The following CHN2 variants were observed in gnomAD, a reference collection of about 807,000 sequenced individuals.
CHN2 encodes the protein beta-chimaerin.
A neutral mutation model predicts 56.3 loss-of-function variants in CHN2; 35 were observed. The ratio of observed to expected loss-of-function variants is 0.62; its 90% CI spans 0.47 to 0.82. The LOEUF (loss-of-function observed/expected upper bound fraction) is 0.82, where lower values mean the gene tolerates loss of function less well. Ranked by LOEUF, CHN2 falls within the 40% of genes least tolerant of loss-of-function variation. CHN2 has a pLI of 0.00. For synonymous variants in CHN2, 210 were observed against 212.8 expected, an observed-to-expected ratio of 0.99 and a Z score of 0.12; for missense variants, 491 against 580.5, an observed-to-expected ratio of 0.85 and a Z score of 1.58.
intron 1 of CHN2, among the ~76,000 whole-genome samples, chr7:29,206,558 G>C (rs1332815049): frequency 3.9e-5 from 6 of 152,302 alleles, no homozygotes; most frequent in African/African-American, 1.4e-4. Flanking sequence ...GGGATTACAA[G>C]TGTGAGCCAC....
At chr7:29,211,960 A>C (rs1166774355) in intron 1 of CHN2, among the ~76,000 whole-genome samples, 1 of 152,196 alleles carries the variant, frequency 6.6e-6, no homozygotes, top group Non-Finnish European at 1.5e-5. Flanking sequence ...CTTACCATCC[A>C]ACTTCAACAA....
intron 1 of CHN2, among the ~76,000 whole-genome samples, chr7:29,216,911 T>C (rs926298034): frequency 6.6e-6 from 1 of 152,232 alleles, no homozygotes; most frequent in African/African-American, 2.4e-5. Context: ...AGGTTTTAAC[T>C]ACATGGTAAT....
chr7:29,309,626 A>G (rs1333602213), intron 1 of CHN2, among the ~76,000 whole-genome samples: 1 of 152,252 alleles, frequency 6.6e-6, no homozygotes, highest in Non-Finnish European at 1.5e-5. Flanking sequence ...AACCCAAGGA[A>G]ATAAATGATG....
At chr7:29,186,077 A>G (rs964573069) in intron 2 of CHN2, among the ~76,000 whole-genome samples, 27 of 152,186 alleles carry the variant, frequency 1.8e-4, no homozygotes, top group African/African-American at 5.8e-4. Flanking sequence ...TGGAAGTTGA[A>G]CAGGATGGAG....
At chr7:29,327,260 G>A (rs1399786323) in intron 1 of CHN2, among the ~76,000 whole-genome samples, 4 of 152,144 alleles carry the variant, frequency 2.6e-5, no homozygotes, top group Admixed American at 6.5e-5. Context: ...CATCCCTTGG[G>A]AACTTTTTAA....
chr7:29,395,779 C>G (rs1801692452), intron 4 of CHN2, among the ~76,000 whole-genome samples: 1 of 152,160 alleles, frequency 6.6e-6, no homozygotes, highest in South Asian at 2.1e-4. Context: ...TTCAGGTGCA[C>G]AAAATTGTCA....
rs949633636 is a variant in CHN2 at position 29,370,783 on chromosome 7, G to A, written c.144+2796G>A. ...GTAGGCCAGTCTGCCTTGATACATG[G>A]TGGTTATCAACAGATACCAACTACT... On this transcript the variant is annotated intron_variant, in intron 3 of 12. Coordinates refer to ENST00000222792, the MANE Select transcript of CHN2 (RefSeq NM_004067.4). Among the ~76,000 whole-genome samples the A allele has an allele frequency of 5.3e-5, 8 of 152,292 alleles. No individual in the cohort carries two copies. The East Asian group carries it at 1.5e-3, about 29-fold the overall frequency.
chr7:29,479,898 A>C (rs1177011889), intron 6 of CHN2: 1 of 1,419,874 alleles, frequency 7.0e-7, no homozygotes, highest in Non-Finnish European at 9.2e-7. Context: ...CGGCCTTAAG[A>C]AATAGCACAA....
In CHN2 at chr7:29,336,991, G is replaced by C. The variant is rs1188151116; in HGVS notation, c.50-17634G>C. On this transcript the variant is annotated intron_variant, in intron 1 of 12. Transcript: ENST00000222792. ...CGCCCCTGCCAGGAACCTGGCTCCT[G>C]TCTTCCGGCACCCACCACCCTTGCA... is the stretch of plus-strand genomic sequence containing the variant. 3.3e-5 allele frequency among the ~76,000 whole-genome samples: 5 copies of C among 151,916 alleles called. No homozygotes were observed. The East Asian group carries it at 9.7e-4, about 29-fold the overall frequency.
intron 1 of CHN2, among the ~76,000 whole-genome samples, chr7:29,272,664 A>G (rs1790759072): frequency 1.3e-5 from 2 of 152,202 alleles, no homozygotes; most frequent in South Asian, 4.1e-4. Flanking sequence ...TCTTAAGAAT[A>G]ATTGAGGTGC....
chr7:29,332,047 G>T (rs1796263328), intron 1 of CHN2, among the ~76,000 whole-genome samples: 1 of 151,564 alleles, frequency 6.6e-6, no homozygotes, highest in Non-Finnish European at 1.5e-5. Context: ...AGGATAATTT[G>T]GGTGAAGATT....
chr7:29,448,945 G>A (rs1784216312), intron 6 of CHN2, among the ~76,000 whole-genome samples: 1 of 152,210 alleles, frequency 6.6e-6, no homozygotes, highest in African/African-American at 2.4e-5. Flanking sequence ...TACTAAATGT[G>A]TGCGGAATTT....
At chr7:29,415,603 C>G (rs986909082) in intron 6 of CHN2, among the ~76,000 whole-genome samples, 1 of 151,890 alleles carries the variant, frequency 6.6e-6, no homozygotes, top group Non-Finnish European at 1.5e-5. Flanking sequence ...GGGAAGGCTG[C>G]GAGGAGGGAG....
At chr7:29,212,198 G>T (rs1785008497) in intron 1 of CHN2, 2 of 620,588 alleles carry the variant, frequency 3.2e-6, no homozygotes, top group Non-Finnish European at 5.7e-6. Context: ...TTTGCTTCTG[G>T]AAGTCATATT....
In CHN2 at chr7:29,149,113, A is replaced by C. The variant is rs578148428; in HGVS notation, c.274+2153A>C. Among the ~76,000 whole-genome samples the C allele has an allele frequency of 9.9e-5, 15 of 151,722 alleles. No individual in the cohort carries two copies. The East Asian group carries it at 2.7e-3, about 27-fold the overall frequency. ...GAGGTTAGAAAATTAGACTGGAGCC[A>C]GCTTGGAAAGGGCAAGAATGCTGAG... On this transcript the variant is annotated intron_variant, in intron 2 of 6. Transcript: ENST00000439384.
At chr7:29,228,847 G>A (rs1786434450) in intron 1 of CHN2, among the ~76,000 whole-genome samples, 1 of 152,144 alleles carries the variant, frequency 6.6e-6, no homozygotes, top group South Asian at 2.1e-4. Flanking sequence ...ACATGCCCTG[G>A]GGCAGGGTGC....
chr7:29,232,988 T>G (rs114734279), intron 1 of CHN2, among the ~76,000 whole-genome samples: 1,564 of 152,322 alleles, frequency 0.01, 23 homozygotes, highest in African/African-American at 0.035. Flanking sequence ...GCTTGAAAAT[T>G]TACATTATTT....
intron 1 of CHN2, 71 bp downstream of exon 1, chr7:29,195,061 G>A (rs1308646454): frequency 1.3e-6 from 2 of 1,491,960 alleles, no homozygotes; most frequent in African/African-American, 1.4e-5. Flanking sequence ...CGCAGCCTGG[G>A]ATGGACAGAG....
At chr7:29,409,525 A>T (rs1027067882) in intron 6 of CHN2, among the ~76,000 whole-genome samples, 1 of 152,170 alleles carries the variant, frequency 6.6e-6, no homozygotes, top group Non-Finnish European at 1.5e-5. Flanking sequence ...GGCTTCTCAC[A>T]TCTGCTCCTG....
Sources: allele counts gnomAD v4.1 joint callset (sites outside exome capture counted in the v4.1 genomes callset), GRCh38; gene constraint gnomAD v4.1.1; transcripts MANE v1.5; gene names NCBI Gene and HGNC (gene_info 2026-07-23, HGNC 2026-07-21).